The following NIM1K variants were observed in gnomAD, a reference collection of about 807,000 sequenced individuals.
The protein encoded by NIM1K is serine/threonine-protein kinase NIM1.
Under a neutral mutation model 37.1 loss-of-function variants are expected in NIM1K, and 35 were observed. The ratio of observed to expected loss-of-function variants is 0.94; its 90% CI spans 0.72 to 1.25. The LOEUF is 1.25. Among genes scored for constraint, NIM1K ranks in the 50% most tolerant of loss-of-function variants. The pLI, the probability that NIM1K is intolerant of heterozygous loss-of-function variation, is 0.00. For synonymous variants in NIM1K, 234 were observed against 206.6 expected (o/e 1.13, Z -1.14); for missense variants, 564 against 548.0 (o/e 1.03, Z -0.29).
chr5:43,264,667 G>T lies in NIM1K; in HGVS notation c.293-12390G>T, dbSNP rs189009864. ...GTGAATTTGATCCTGTCAGTATGAT[G>T]TTAGCTGGTTATTTTGCTTGTTAGT... On this transcript the variant is annotated intron_variant, in intron 2 of 3. Transcript: ENST00000326035. 2.3e-3 allele frequency among the ~76,000 whole-genome samples: 343 copies of T among 152,296 alleles called. 2 individuals are homozygous for T. The Middle Eastern group carries it at 0.024, about 11-fold the overall frequency.
chr5:43,232,915 A>T lies in NIM1K; in HGVS notation c.-694-12167A>T, dbSNP rs1397874759. The stretch of plus-strand genomic sequence containing the variant: ...TGTGATGAGCTGCTCAGGGTGGAAG[A>T]GCTGGTTGTAGGTGCCAGTGCAAAC... On this transcript the variant is annotated intron_variant, in intron 1 of 3. Coordinates refer to ENST00000326035, the MANE Select transcript of NIM1K (RefSeq NM_153361.4). The T allele has an allele frequency of 3.5e-6, 4 of 1,154,402 alleles. No homozygotes were observed. In the African/African-American group the frequency reaches 6.1e-5, roughly 18 times the overall value. The allele number at this position is 1,154,402 out of a possible 1,614,324, so 71.5% of individuals were successfully genotyped here.
chr5:43,206,966 G>A (rs2112211194), intron 1 of NIM1K: 4 of 761,004 alleles, frequency 5.3e-6, no homozygotes, highest in East Asian at 4.9e-5. Context: ...AGAGATCGAC[G>A]GTATTTTGAA....
intron 1 of NIM1K, among the ~76,000 whole-genome samples, chr5:43,229,828 G>A (rs1752512526): frequency 6.6e-6 from 1 of 151,652 alleles, no homozygotes; most frequent in African/African-American, 2.4e-5. Context: ...GTAGAGATGG[G>A]GTTTCACTAT....
intron 1 of NIM1K, among the ~76,000 whole-genome samples, chr5:43,206,499 CAAAAA>C (rs11286972): frequency 6.0e-5 from 5 of 83,420 alleles, no homozygotes; most frequent in African/African-American, 1.0e-4. Flanking sequence ...GACCCTGCCT[CAAAAA>C]AAAAAAAAAA....
At chr5:43,279,844 G>T in intron 3 of NIM1K, 136 bp from the exon 4 acceptor site, 2 of 716,766 alleles carry the variant, frequency 2.8e-6, no homozygotes, top group Non-Finnish European at 2.3e-6. Context: ...GACAGGGTTT[G>T]CTATCATGAC....
Position 43,280,573 on chromosome 5 carries a change from G to A in NIM1K, c.1155G>A (p.Gly385=). The change falls in exon 4 of 4, where the codon GGG becomes GGA. Residue 385 remains glycine (G), a synonymous_variant. Coordinates refer to ENST00000326035, the MANE Select transcript of NIM1K (RefSeq NM_153361.4). The part of the protein sequence containing the change: ...QGRDARSSIT[G]VYRIILHRVQ... ...GAGATGCTCGCAGCTCAATCACAGGGGTCTATAGAATTATTTTACATAGAG... is the reference window on the plus strand; with the variant it reads ...GAGATGCTCGCAGCTCAATCACAGGAGTCTATAGAATTATTTTACATAGAG... 1 of 1,614,040 alleles carries A rather than the reference G, an allele frequency of 6.2e-7. No homozygotes were observed.
intron 2 of NIM1K, among the ~76,000 whole-genome samples, chr5:43,250,695 G>A (rs1003663754): frequency 2.0e-5 from 3 of 152,208 alleles, no homozygotes; most frequent in African/African-American, 7.2e-5. Context: ...GATGTGATTT[G>A]GAAGGTTACA....
chr5:43,246,433 C>A (rs181905641), intron 2 of NIM1K, among the ~76,000 whole-genome samples: 1 of 151,932 alleles, frequency 6.6e-6, no homozygotes, highest in African/African-American at 2.4e-5. Context: ...TGGAGTGGAG[C>A]GTGGCTTGGA....
In NIM1K at chr5:43,249,364, G is replaced by A. The variant is rs552694477; in HGVS notation, c.292+3297G>A. Among the ~76,000 whole-genome samples the A allele has an allele frequency of 1.9e-3, 287 of 152,142 alleles. 5 individuals carry two copies. The highest frequency in any genetic ancestry group is 0.017 in the Admixed American group (254 of 15,270). ...ATTACAGGCCTGAGCCACCGTGCCC[G>A]GCCCTTACTCAGTCTTTTTGTTCTA... On this transcript the variant is annotated intron_variant, in intron 2 of 3. Transcript: ENST00000326035.
intron 1 of NIM1K, chr5:43,207,109 G>A (rs950013393): frequency 1.2e-5 from 9 of 720,554 alleles, no homozygotes; most frequent in African/African-American, 1.0e-4. Context: ...TTGAGGTGGT[G>A]TATGATGAAG....
chr5:43,219,054 G>A (rs546595416), intron 1 of NIM1K, among the ~76,000 whole-genome samples: 19 of 152,192 alleles, frequency 1.2e-4, no homozygotes, highest in African/African-American at 3.9e-4. Context: ...GGCTTTTCCC[G>A]CTTTTGCTCA....
chr5:43,268,721 A>C (rs957680258), intron 2 of NIM1K, among the ~76,000 whole-genome samples: 3 of 151,950 alleles, frequency 2.0e-5, no homozygotes, highest in Non-Finnish European at 4.4e-5. Flanking sequence ...TCCTCCTCCT[A>C]AGTCTGGTGG....
At chr5:43,196,394 C>T (rs910067985) in intron 1 of NIM1K, among the ~76,000 whole-genome samples, 60 of 151,666 alleles carry the variant, frequency 4.0e-4, no homozygotes, top group Non-Finnish European at 4.4e-4. Context: ...TTTGGGAGGC[C>T]GAGGTGGGTG....
chr5:43,270,922 C>T (rs1291297202), intron 2 of NIM1K, among the ~76,000 whole-genome samples: 1 of 152,156 alleles, frequency 6.6e-6, no homozygotes, highest in Non-Finnish European at 1.5e-5. Flanking sequence ...ACCCAAACAC[C>T]AAGTGGTATT....
chr5:43,196,938 C>A (rs1751925972), intron 1 of NIM1K, among the ~76,000 whole-genome samples: 1 of 141,016 alleles, frequency 7.1e-6, no homozygotes. Context: ...ATGCCCATGC[C>A]CAGCTTTTTT....
intron 1 of NIM1K, among the ~76,000 whole-genome samples, chr5:43,213,969 T>C (rs1302124188): frequency 6.6e-6 from 1 of 150,418 alleles, no homozygotes; most frequent in Non-Finnish European, 1.5e-5. Flanking sequence ...TCTCCTTCCT[T>C]CTTCTCTTTC....
At chr5:43,246,706 C>G (rs1199559072) in intron 2 of NIM1K, among the ~76,000 whole-genome samples, 1 of 152,124 alleles carries the variant, frequency 6.6e-6, no homozygotes, top group Non-Finnish European at 1.5e-5. Flanking sequence ...TCCTCACTCC[C>G]CATTTGCTTG....
intron 1 of NIM1K, chr5:43,206,579 C>A: frequency 1.8e-6 from 1 of 542,524 alleles, no homozygotes; most frequent in South Asian, 2.1e-5. Flanking sequence ...GTCTTGAAGG[C>A]TGAATAAGAA....
chr5:43,280,701 A>G lies in NIM1K; in HGVS notation c.1283A>G (p.His428Arg). The G allele has an allele frequency of 6.2e-7, 1 of 1,600,806 alleles. No homozygotes were observed. Among genetic ancestry groups the G allele is most frequent in the Non-Finnish European group, 8.5e-7 (1 of 1,176,348 alleles). Residue 428 changes from histidine (H) to arginine (R), a missense_variant, in exon 4 of 4, where the codon CAC becomes CGC. His to Arg is a conservative substitution (Grantham distance 29). Transcript: ENST00000326035. ...TCCCGTGTCTACAGAGGGATAAGACACACATCCAAATTTTGCTCGATTTTA... is the reference window on the plus strand; with the variant it reads ...TCCCGTGTCTACAGAGGGATAAGACGCACATCCAAATTTTGCTCGATTTTA... Reference protein sequence around the residue: ...KGSRVYRGIRHTSKFCSIL With the variant: ...KGSRVYRGIRRTSKFCSIL
Sources: gnomAD v4.1 joint callset for allele counts (sites outside exome capture counted in the v4.1 genomes callset) on GRCh38, gnomAD v4.1.1 for gene constraint, MANE v1.5 for transcripts, NCBI Gene and HGNC (gene_info 2026-07-23, HGNC 2026-07-21) for gene names.